CCDC112: variants seen among roughly 807,000 people sequenced by gnomAD.
CCDC112 encodes coiled-coil domain-containing protein 112.
CCDC112 carries 40 observed loss-of-function variants against 66.3 expected under a neutral mutation model. That is an observed-to-expected ratio of 0.60 (90% confidence interval 0.47 to 0.79). The LOEUF (loss-of-function observed/expected upper bound fraction) is 0.79. CCDC112 is among the 30% of genes least tolerant of loss of function. CCDC112 has a pLI of 0.00. For missense variants in CCDC112, 659 were observed against 603.8 expected, an observed-to-expected ratio of 1.09 and a Z score of -0.96; for synonymous variants, 214 against 197.2, an observed-to-expected ratio of 1.09 and a Z score of -0.71.
At chr5:115,292,466 C>T (rs891202675) in intron 1 of CCDC112, among the ~76,000 whole-genome samples, 1 of 152,136 alleles carries the variant, frequency 6.6e-6, no homozygotes, top group African/African-American at 2.4e-5. Flanking sequence ...GTTTTGAAGT[C>T]TTTGCCTAGT....
At position 115,276,951 on chromosome 5, in the gene CCDC112, C is replaced by T. The variant is rs752763986; in HGVS notation, c.451+14G>A. The T allele has an allele frequency of 1.3e-6, 2 of 1,487,084 alleles. No homozygotes were observed. Among genetic ancestry groups the T allele is most frequent in the Non-Finnish European group, 1.9e-6 (2 of 1,071,120 alleles). 92.1% of individuals were successfully genotyped at this position (1,487,084 alleles called of 1,614,324 possible). A position where few individuals can be genotyped will look rare whatever the true frequency, so the allele number is the denominator to read the frequency against. ...TAACACATAAGAAAGATTATAATAT[C>T]TAAATTTACTTACAATCAGGTGTAG... On this transcript the variant is annotated intron_variant, in intron 4 of 9. Transcript: ENST00000379611.
chr5:115,282,943 A>C (rs948881217), intron 2 of CCDC112, among the ~76,000 whole-genome samples: 3 of 152,128 alleles, frequency 2.0e-5, no homozygotes, highest in African/African-American at 7.2e-5. Flanking sequence ...GAGTTTTTCC[A>C]ATGCCCTAAA....
Position 115,275,460 on chromosome 5 carries a change from G to T in CCDC112, c.674C>A (p.Thr225Lys), listed in dbSNP as rs748418497. The change falls in exon 6 of 10, where the codon ACA (threonine) becomes AAA (lysine). Residue 225 changes from threonine to lysine, a missense_variant. By Grantham distance (78) the Thr-to-Lys change is moderately conservative (BLOSUM62 -1). Transcript: ENST00000379611. Reference sequence around the variant, plus strand: ...TACCTCTTCTGGAAGAGTACTTGGTGTTACTTTGTCTACAGGAACTTTGCT... The same window carrying T: ...TACCTCTTCTGGAAGAGTACTTGGTTTTACTTTGTCTACAGGAACTTTGCT... ...ISSKVPVDKV[T>K]PSTLPEEVLD... 1 of 1,613,976 alleles carries T rather than the reference G, an allele frequency of 6.2e-7. No individual in the cohort carries two copies. The highest frequency in any genetic ancestry group is 8.5e-7 in the Non-Finnish European group (1 of 1,179,954).
intron 6 of CCDC112, 62 bp downstream of exon 6, chr5:115,275,154 T>C: frequency 8.2e-7 from 1 of 1,224,564 alleles, no homozygotes; most frequent in Non-Finnish European, 1.1e-6. Context: ...ACATGTTAAG[T>C]GTTTAGTACA....
At chr5:115,291,069 A>C (rs1749908109) in intron 1 of CCDC112, among the ~76,000 whole-genome samples, 1 of 152,138 alleles carries the variant, frequency 6.6e-6, no homozygotes, top group Non-Finnish European at 1.5e-5. Context: ...GATCATACGG[A>C]AACAGCTTTC....
chr5:115,279,563 G>T, intron 3 of CCDC112, 84 bp downstream of exon 3: 1 of 1,320,962 alleles, frequency 7.6e-7, no homozygotes, highest in Non-Finnish European at 1.1e-6. Flanking sequence ...ACACAATACA[G>T]TCAATGCACA....
rs1169929911 is a variant in CCDC112 at position 115,296,646 on chromosome 5, G to C, written c.-103C>G. On this transcript the variant is annotated 5_prime_UTR_variant, in exon 1 of 10. Transcript: ENST00000379611. ...AGACAGCTCCCTGCGCTGCGGGCTT[G>C]GCCGGGATGCAGGGCGGGGCCGAGA... 7 of 1,291,890 alleles carry C rather than the reference G, an allele frequency of 5.4e-6. No homozygotes were observed. 80.0% of individuals were successfully genotyped at this position (1,291,890 alleles called of 1,614,324 possible). A position where few individuals can be genotyped will look rare whatever the true frequency, so the allele number is the denominator to read the frequency against.
chr5:115,296,427 C>G lies in CCDC112; in HGVS notation c.117G>C (p.Gln39His). The G allele has an allele frequency of 1.3e-6, 2 of 1,568,322 alleles. No individual in the cohort carries two copies. Among genetic ancestry groups the G allele is most frequent in the Non-Finnish European group, 1.7e-6 (2 of 1,165,580 alleles). ...TGVGATPAPQQSDGCFSTSGG... is the reference protein window; with the variant it reads ...TGVGATPAPQHSDGCFSTSGG... ...CAGCTCTCGGTTCTCCCGGATTTAC[C>G]TGTTGAGGCGCTGGCGTCGCTCCCA... Residue 39 changes from glutamine (Q) to histidine (H), a missense_variant and splice_region_variant, in exon 1 of 10, where the codon CAG becomes CAC. By Grantham distance (24) the Gln-to-His change is conservative. Transcript: ENST00000379611.
At chr5:115,268,022 C>A in intron 9 of CCDC112, 104 bp from the exon 10 acceptor site, 1 of 855,968 alleles carries the variant, frequency 1.2e-6, no homozygotes, top group Non-Finnish European at 1.9e-6. Context: ...ATAACCTACC[C>A]TGCATGTTGT....
In CCDC112 at chr5:115,296,564, G is replaced by C. The variant is rs1750169753; in HGVS notation, c.-21C>G. ...GCCATGTTTACCCGCCGAGCTACTCGGGCCGCGGCGGCCACCGGTGCCTGG... is the reference window on the plus strand; with the variant it reads ...GCCATGTTTACCCGCCGAGCTACTCCGGCCGCGGCGGCCACCGGTGCCTGG... On this transcript the variant is annotated 5_prime_UTR_variant, in exon 1 of 10. Coordinates refer to ENST00000379611, the MANE Select transcript of CCDC112 (RefSeq NM_001040440.3). The C allele has an allele frequency of 1.4e-6, 2 of 1,449,844 alleles. No individual in the cohort carries two copies. Among genetic ancestry groups the C allele is most frequent in the Admixed American group, 2.6e-5 (1 of 38,116 alleles). 89.8% of individuals were successfully genotyped at this position (1,449,844 alleles called of 1,614,324 possible). A position where few individuals can be genotyped will look rare whatever the true frequency, so the allele number is the denominator to read the frequency against.
chr5:115,268,892 T>C lies in CCDC112; in HGVS notation c.1537A>G (p.Ile513Val), dbSNP rs1321338356. ...GPTGSGPLLH[I>V]PHRAIPTWRQ... Reference sequence around the variant, plus strand: ...CTAACTCTTTCTTACCTATGTGGGATATGTAGAAGTGGCCCAGAGCCTGTT... The same window carrying C: ...CTAACTCTTTCTTACCTATGTGGGACATGTAGAAGTGGCCCAGAGCCTGTT... The change falls in exon 9 of 10, where the codon ATC (isoleucine) becomes GTC (valine). Residue 513 changes from isoleucine to valine, a missense_variant. Physicochemically the swap from Ile to Val is conservative, Grantham distance 29. Coordinates refer to ENST00000379611, the MANE Select transcript of CCDC112 (RefSeq NM_001040440.3). 6 of 1,579,202 alleles carry C rather than the reference T, an allele frequency of 3.8e-6. No individual in the cohort carries two copies. The Admixed American group carries it at 7.2e-5, about 19-fold the overall frequency.
In CCDC112 at chr5:115,271,173, T is replaced by A. The variant is rs780445948; in HGVS notation, c.1332+40A>T. ...TGAATTTGGAAGTAATACCTCCATG[T>A]GTAGCATTTAAAAATTATTTAGGAA... On this transcript the variant is annotated intron_variant, in intron 7 of 9. Coordinates refer to ENST00000379611, the MANE Select transcript of CCDC112 (RefSeq NM_001040440.3). 1.1e-5 allele frequency: 17 copies of A among 1,526,386 alleles called. No individual in the cohort carries two copies. The South Asian group carries it at 2.1e-4, about 19-fold the overall frequency. The allele number at this position is 1,526,386 out of a possible 1,614,324, so 94.6% of individuals were successfully genotyped here. A position where few individuals can be genotyped will look rare whatever the true frequency, so the allele number is the denominator to read the frequency against.
intron 3 of CCDC112, chr5:115,277,265 G>A: frequency 4.9e-6 from 2 of 408,520 alleles, no homozygotes; most frequent in Non-Finnish European, 8.8e-6. Context: ...AAGCATAATG[G>A]GTTAAGTCTT....
At chr5:115,279,527 T>C in intron 3 of CCDC112, 120 bp downstream of exon 3, 2 of 1,015,476 alleles carry the variant, frequency 2.0e-6, no homozygotes, top group South Asian at 2.8e-5. Context: ...ACACAGTCAA[T>C]AGAGAACTGA....
chr5:115,287,552 G>A (rs915753254), intron 1 of CCDC112, among the ~76,000 whole-genome samples: 14 of 152,044 alleles, frequency 9.2e-5, no homozygotes, highest in African/African-American at 2.9e-4. Context: ...TTCCCCAACT[G>A]ACCAATTTTT....
intron 1 of CCDC112, among the ~76,000 whole-genome samples, chr5:115,294,255 C>G (rs1750052325): frequency 6.6e-6 from 1 of 152,098 alleles, no homozygotes; most frequent in African/African-American, 2.4e-5. Context: ...CCTCAAAATT[C>G]CTATGTAGAA....
In CCDC112 at chr5:115,269,811, A is replaced by G; in HGVS notation, c.1333-13T>C. 1 of 1,495,974 alleles carries G rather than the reference A, an allele frequency of 6.7e-7. No homozygotes were observed. The highest frequency in any genetic ancestry group is 1.3e-5 in the South Asian group (1 of 79,226). 92.7% of individuals were successfully genotyped at this position (1,495,974 alleles called of 1,614,324 possible). On this transcript the variant is annotated splice_polypyrimidine_tract_variant and intron_variant, in intron 7 of 9. Transcript: ENST00000379611. ...GTTTATGTAAATCCTTAAAAAAAAA[A>G]ACCCATAGCATTAAGAAAGCATGTG...
At chr5:115,293,571 C>T (rs1051881217) in intron 1 of CCDC112, among the ~76,000 whole-genome samples, 7 of 152,154 alleles carry the variant, frequency 4.6e-5, no homozygotes, top group Non-Finnish European at 7.4e-5. Context: ...ACCTTAATTC[C>T]TTGGCTAATG....
intron 1 of CCDC112, among the ~76,000 whole-genome samples, chr5:115,292,141 T>C (rs1325213335): frequency 6.6e-6 from 1 of 152,162 alleles, no homozygotes; most frequent in African/African-American, 2.4e-5. Context: ...CATGGTAGTA[T>C]GCCTAACGGT....
Sources: allele counts gnomAD v4.1 joint callset (sites outside exome capture counted in the v4.1 genomes callset), GRCh38; gene constraint gnomAD v4.1.1; transcripts MANE v1.5; gene names NCBI Gene and HGNC (gene_info 2026-07-23, HGNC 2026-07-21).